The following ANK1 variants were observed in gnomAD, a reference collection of about 807,000 sequenced individuals.
ANK1 encodes ankyrin-1.
A neutral mutation model predicts 210.4 loss-of-function variants in ANK1; 51 were observed. The observed-to-expected ratio is 0.24, with a 90% CI of 0.19 to 0.31. ANK1 has a LOEUF of 0.31. ANK1 is among the 10% of genes least tolerant of loss of function. The probability of loss-of-function intolerance (pLI) is 1.00; values close to 1 mark genes in which losing one functional copy is unlikely to be tolerated. For synonymous variants in ANK1, 967 were observed against 1,025.9 expected (o/e 0.94, Z 1.10); for missense variants, 2,051 against 2,504.4 (o/e 0.82, Z 3.86).
intron 1 of ANK1, among the ~76,000 whole-genome samples, chr8:41,842,796 A>C (rs1001725707): frequency 6.6e-6 from 1 of 152,088 alleles, no homozygotes; most frequent in South Asian, 2.1e-4. Flanking sequence ...GTGTGAATCT[A>C]TTATTTAGAT....
chr8:41,661,274 C>A, intron 42 of ANK1, 156 bp downstream of exon 42: 2 of 1,146,102 alleles, frequency 1.7e-6, no homozygotes, highest in South Asian at 1.4e-5. Context: ...CAACTGTTAG[C>A]AGGGTTGGGA....
chr8:41,890,507 G>A (rs527763207), intron 1 of ANK1, among the ~76,000 whole-genome samples: 16 of 152,248 alleles, frequency 1.1e-4, no homozygotes, highest in South Asian at 2.1e-4. Flanking sequence ...TCAGGAGTTC[G>A]AGACCAGCCT....
At chr8:41,757,612 G>C (rs533678080) in intron 2 of ANK1, among the ~76,000 whole-genome samples, 1 of 152,188 alleles carries the variant, frequency 6.6e-6, no homozygotes, top group South Asian at 2.1e-4. Context: ...TAACACAAGC[G>C]GGGCCTCGTT....
At chr8:41,874,725 G>GA (rs1180008056) in intron 1 of ANK1, among the ~76,000 whole-genome samples, 3 of 152,228 alleles carry the variant, frequency 2.0e-5, no homozygotes, top group Admixed American at 6.5e-5. Context: ...CACTGGCTAA[G>GA]AAAAAACATG....
intron 10 of ANK1, 120 bp downstream of exon 10, chr8:41,719,541 C>G: frequency 1.5e-6 from 2 of 1,349,194 alleles, no homozygotes; most frequent in Non-Finnish European, 2.1e-6. Flanking sequence ...CTGCTCAGGC[C>G]TCGAATCTGG....
At chr8:41,726,028 G>C in intron 5 of ANK1, 82 bp from the exon 6 acceptor site, 1 of 1,498,040 alleles carries the variant, frequency 6.7e-7, no homozygotes, top group Non-Finnish European at 9.1e-7. Flanking sequence ...TGCCCCTCGG[G>C]CTTATGCTCC....
At chr8:41,893,641 C>A (rs548429602) in intron 1 of ANK1, among the ~76,000 whole-genome samples, 1 of 152,190 alleles carries the variant, frequency 6.6e-6, no homozygotes, top group African/African-American at 2.4e-5. Flanking sequence ...AGGTTACCCG[C>A]GGGACAAACA....
intron 1 of ANK1, among the ~76,000 whole-genome samples, chr8:41,796,548 A>AG (rs950148297): frequency 1.3e-5 from 2 of 149,394 alleles, no homozygotes; most frequent in African/African-American, 5.0e-5. Flanking sequence ...CTCTCTCCTT[A>AG]GAAAAAAAAA....
At chr8:41,661,842 C>A (rs1808362683) in intron 41 of ANK1, 34 bp downstream of exon 41, 1 of 1,614,134 alleles carries the variant, frequency 6.2e-7, no homozygotes, top group Non-Finnish European at 8.5e-7. Flanking sequence ...ACCTCCAGCT[C>A]ACTGGGATCC....
chr8:41,693,767 G>A, intron 29 of ANK1, 131 bp downstream of exon 29: 3 of 1,005,118 alleles, frequency 3.0e-6, no homozygotes, highest in Non-Finnish European at 4.4e-6. Flanking sequence ...TCTTGGAAGA[G>A]CACCTCACTC....
Position 41,714,993 on chromosome 8 carries a change from G to T in ANK1, c.1684C>A (p.Pro562Thr). The T allele has an allele frequency of 6.2e-7, 1 of 1,614,140 alleles. No individual in the cohort carries two copies. Among genetic ancestry groups the T allele is most frequent in the Non-Finnish European group, 8.5e-7 (1 of 1,180,024 alleles). Residue 562 changes from proline (P) to threonine (T), a missense_variant, in exon 15 of 43, where the codon CCG becomes ACG. Physicochemically the swap from Pro to Thr is conservative, Grantham distance 38. This residue lies in a region of ANK1 where 1,413 missense variants were observed against 1,707.4 expected (regional missense o/e 0.83). Coordinates refer to ENST00000289734, the MANE Select transcript of ANK1 (RefSeq NM_000037.4). ...AAACTCACTTTTCCGGCAGCATTCG[G>T]GTGTGCGTCCCGCTCCAGCAGCAGC... ...AELLLERDAH[P>T]NAAGKNGLTP...
intron 1 of ANK1, among the ~76,000 whole-genome samples, chr8:41,824,850 G>T (rs1281834952): frequency 6.6e-6 from 1 of 152,224 alleles, no homozygotes; most frequent in Non-Finnish European, 1.5e-5. Context: ...CGTGAAGGCA[G>T]GGGGTGTGGA....
rs534608481 is a variant in ANK1, at chr8:41,726,090, C to G, written c.427-144G>C. On this transcript the variant is annotated intron_variant, in intron 5 of 42. Transcript: ENST00000289734. Reference sequence around the variant, plus strand: ...CTCCACCAAAGCCCTCTTCATCCGCCAAGTTTAGCCTAAATGCCATCTCCT... The same window carrying G: ...CTCCACCAAAGCCCTCTTCATCCGCGAAGTTTAGCCTAAATGCCATCTCCT... The G allele has an allele frequency of 3.3e-6, 3 of 902,698 alleles. No individual in the cohort carries two copies. The African/African-American group carries it at 4.9e-5, about 15-fold the overall frequency. The allele number at this position is 902,698 out of a possible 1,614,324, so 55.9% of individuals were successfully genotyped here.
At chr8:41,723,004 A>C (rs1829662739) in intron 9 of ANK1, 121 bp downstream of exon 9, 1 of 891,254 alleles carries the variant, frequency 1.1e-6, no homozygotes, top group African/African-American at 1.6e-5. Context: ...ATAAATGTCA[A>C]AGGTGCTATC....
At chr8:41,822,036 T>G (rs1587205724) in intron 1 of ANK1, among the ~76,000 whole-genome samples, 2 of 128,722 alleles carry the variant, frequency 1.6e-5, no homozygotes, top group Admixed American at 8.4e-5. Flanking sequence ...GGCCACAGAG[T>G]GAGACTCCAT....
At chr8:41,873,717 C>T (rs565854441) in intron 1 of ANK1, among the ~76,000 whole-genome samples, 1 of 152,342 alleles carries the variant, frequency 6.6e-6, no homozygotes, top group Non-Finnish European at 1.5e-5. Flanking sequence ...TGCCATATTG[C>T]ACAGCTGTGG....
At chr8:41,706,102 A>G (rs780860982) in intron 18 of ANK1, 41 bp downstream of exon 18, 2 of 1,559,558 alleles carry the variant, frequency 1.3e-6, no homozygotes, top group East Asian at 4.5e-5. Flanking sequence ...AAGTGTGAGC[A>G]AGGAGTCCAC....
chr8:41,833,324 G>A (rs1393012851), intron 1 of ANK1, among the ~76,000 whole-genome samples: 7 of 152,220 alleles, frequency 4.6e-5, no homozygotes, highest in South Asian at 2.1e-4. Context: ...CAAGTGCCCC[G>A]TGGTGATAGC....
chr8:41,683,898 T>A (rs960922239), intron 37 of ANK1, among the ~76,000 whole-genome samples: 1 of 151,936 alleles, frequency 6.6e-6, no homozygotes. Context: ...TTGGGCTGGA[T>A]CTCACGGGGG....
Sources: gnomAD v4.1 joint callset for allele counts (sites outside exome capture counted in the v4.1 genomes callset) on GRCh38, gnomAD v4.1.1 for gene constraint, gnomAD v4.1.1 regional missense constraint, MANE v1.5 for transcripts, NCBI Gene and HGNC (gene_info 2026-07-23, HGNC 2026-07-21) for gene names.